ABCA12: variants seen among roughly 807,000 people sequenced by gnomAD.
ABCA12 encodes the protein glucosylceramide transporter ABCA12.
ABCA12 carries 156 observed loss-of-function variants against 293.5 expected under a neutral mutation model. The ratio of observed to expected loss-of-function variants is 0.53; its 90% CI spans 0.47 to 0.61. The LOEUF (loss-of-function observed/expected upper bound fraction) is 0.61. Among genes scored for constraint, ABCA12 ranks in the 20% least tolerant of loss-of-function variants. The pLI is 0.00. For missense variants in ABCA12, 2,797 were observed against 3,090.2 expected, an observed-to-expected ratio of 0.91 and a Z score of 2.25; for synonymous variants, 1,063 against 1,108.0, an observed-to-expected ratio of 0.96 and a Z score of 0.81.
chr2:215,002,528 A>G (rs2105990838), intron 20 of ABCA12, among the ~76,000 whole-genome samples: 1 of 152,346 alleles, frequency 6.6e-6, no homozygotes, highest in East Asian at 1.9e-4. Context: ...GGCTGCGAAT[A>G]TCATAAATCC....
chr2:215,074,407 AG>A (rs777636341), intron 2 of ABCA12, among the ~76,000 whole-genome samples: 1 of 152,198 alleles, frequency 6.6e-6, no homozygotes, highest in Non-Finnish European at 1.5e-5. Context: ...TGCCTGAAGA[AG>A]GGAGTTTCAT....
In ABCA12 at chr2:214,947,435, G is replaced by A. The variant is rs1391208528; in HGVS notation, c.7226C>T (p.Ser2409Phe). 6 of 1,613,814 alleles carry A rather than the reference G, an allele frequency of 3.7e-6. No homozygotes were observed. In the Admixed American group the frequency reaches 1.0e-4, roughly 27 times the overall value. ...TGATTCTCTTACCAGCAGTAGAATG[G>A]AAGGTTTCCCTATCAAGGCCAGTGC... ...STALALIGKPSILLLDEPSSG... is the reference protein window; with the variant it reads ...STALALIGKPFILLLDEPSSG... The change falls in exon 48 of 53, where the codon TCC becomes TTC. Residue 2409 changes from serine (S) to phenylalanine (F), a missense_variant. Around this residue, in one of 3 missense-constraint regions of ABCA12, gnomAD observed 2,130 missense variants for 2,427.0 expected, o/e 0.88. Coordinates refer to ENST00000272895, the MANE Select transcript of ABCA12 (RefSeq NM_173076.3).
chr2:214,973,504 G>A (rs1202222075), intron 36 of ABCA12, among the ~76,000 whole-genome samples: 1 of 152,130 alleles, frequency 6.6e-6, no homozygotes. Flanking sequence ...TTCAGGAAAT[G>A]ATTTTTTTCC....
At chr2:214,956,077 G>A (rs998075555) in intron 42 of ABCA12, among the ~76,000 whole-genome samples, 3 of 152,156 alleles carry the variant, frequency 2.0e-5, no homozygotes, top group African/African-American at 4.8e-5. Flanking sequence ...AATTTGGGGG[G>A]CAATTAAATA....
rs1698261602 is a variant in ABCA12 at position 214,937,598 on chromosome 2, G to A, written c.7454C>T (p.Thr2485Ile). 6.2e-7 allele frequency: 1 copy of A among 1,613,690 alleles called. No homozygotes were observed. The highest frequency in any genetic ancestry group is 1.3e-5 in the African/African-American group (1 of 75,038). ...GTTATTCTTCAAGTGAACTTTGACAGTAAATCCTCGTCCAAACCTAGAAAG... is the reference window on the plus strand; with the variant it reads ...GTTATTCTTCAAGTGAACTTTGACAATAAATCCTCGTCCAAACCTAGAAAG... ...HIKSRFGRGF[T>I]VKVHLKNNKV... The change falls in exon 51 of 53, where the codon ACT (threonine) becomes ATT (isoleucine). Residue 2485 changes from threonine (T) to isoleucine (I), a missense_variant. By Grantham distance (89) the Thr-to-Ile change is moderately conservative (BLOSUM62 -1). Transcript: ENST00000272895.
chr2:215,044,173 AC>A (rs1441244144), intron 7 of ABCA12, among the ~76,000 whole-genome samples: 1 of 152,128 alleles, frequency 6.6e-6, no homozygotes, highest in African/African-American at 2.4e-5. Context: ...TTGGATAAAT[AC>A]CCAAGAGTAG....
chr2:215,017,480 A>G (rs1700529373), intron 14 of ABCA12, among the ~76,000 whole-genome samples: 1 of 152,176 alleles, frequency 6.6e-6, no homozygotes, highest in South Asian at 2.1e-4. Flanking sequence ...TACGACTTTT[A>G]AAAAGTAAAA....
At chr2:214,944,919 A>C (rs192378275) in intron 49 of ABCA12, 82 bp downstream of exon 49, 31 of 1,021,802 alleles carry the variant, frequency 3.0e-5, no homozygotes, top group Middle Eastern at 3.0e-4. Flanking sequence ...GTATATATTT[A>C]TTTATGTTAT....
chr2:215,134,082 C>T (rs1439116072), intron 1 of ABCA12, among the ~76,000 whole-genome samples: 1 of 151,810 alleles, frequency 6.6e-6, no homozygotes, highest in Non-Finnish European at 1.5e-5. Flanking sequence ...ACATTTACTC[C>T]AAGAATAATT....
At chr2:215,064,293 AC>A in intron 2 of ABCA12, 74 bp from the exon 3 acceptor site, 1 of 1,474,812 alleles carries the variant, frequency 6.8e-7, no homozygotes, top group Non-Finnish European at 9.2e-7. Context: ...CAGTAACTCC[AC>A]TTTGTGAAGT....
intron 1 of ABCA12, among the ~76,000 whole-genome samples, chr2:215,127,101 G>A (rs780076582): frequency 2.0e-5 from 3 of 152,074 alleles, no homozygotes; most frequent in Non-Finnish European, 2.9e-5. Flanking sequence ...TTGCATGGTT[G>A]TGAAGGCTCC....
intron 9 of ABCA12, 81 bp downstream of exon 9, chr2:215,031,740 T>A: frequency 6.4e-7 from 1 of 1,558,522 alleles, no homozygotes; most frequent in Non-Finnish European, 8.8e-7. Context: ...TATACACTGA[T>A]AAGCGAATTA....
chr2:215,057,445 A>G (rs774895228), intron 3 of ABCA12, among the ~76,000 whole-genome samples: 3 of 152,000 alleles, frequency 2.0e-5, no homozygotes, highest in Non-Finnish European at 2.9e-5. Context: ...TTAGAATCCT[A>G]GAAACTTCAA....
At chr2:215,011,943 C>T in intron 16 of ABCA12, 28 bp downstream of exon 16, 2 of 1,595,706 alleles carry the variant, frequency 1.3e-6, no homozygotes, top group Non-Finnish European at 1.7e-6. Flanking sequence ...CATTTTTCAA[C>T]AAGAACATTA....
At chr2:214,953,328 A>G (rs1179092683) in intron 44 of ABCA12, among the ~76,000 whole-genome samples, 2 of 152,250 alleles carry the variant, frequency 1.3e-5, no homozygotes, top group Non-Finnish European at 2.9e-5. Context: ...AACTTTAAAC[A>G]TACATAAGTA....
Position 214,982,382 on chromosome 2 carries a change from T to G in ABCA12, c.4384A>C (p.Thr1462Pro). ...KKQLHEEVKRTLKDTGLYSHR... is the reference protein window; with the variant it reads ...KKQLHEEVKRPLKDTGLYSHR... ...CTATATAGTCCAGTATCTTTTAAAG[T>G]CCTTCAAAAATAATGTATGATGGTT... Residue 1462 changes from threonine (T) to proline (P), a missense_variant and splice_region_variant, in exon 30 of 53, where the codon ACT becomes CCT. Transcript: ENST00000272895. 1 of 1,613,096 alleles carries G rather than the reference T, an allele frequency of 6.2e-7. No homozygotes were observed. The highest frequency in any genetic ancestry group is 8.5e-7 in the Non-Finnish European group (1 of 1,179,252).
intron 48 of ABCA12, among the ~76,000 whole-genome samples, chr2:214,945,588 C>T (rs1285100581): frequency 6.6e-6 from 1 of 151,948 alleles, no homozygotes; most frequent in East Asian, 1.9e-4. Context: ...TCTAACACTC[C>T]TTGGGAAATA....
rs940279 is a variant in ABCA12 at position 215,007,610 on chromosome 2, G to A, written c.2592+117C>T. 1,161,037 of 1,330,966 alleles carry A rather than the reference G, an allele frequency of 0.87. 517,302 individuals carry two copies. Among genetic ancestry groups the A allele is most frequent in the East Asian group, 0.95 (39,883 of 42,182 alleles). The allele number at this position is 1,330,966 out of a possible 1,614,324, so 82.4% of individuals were successfully genotyped here. A position where few individuals can be genotyped will look rare whatever the true frequency, so the allele number is the denominator to read the frequency against. On this transcript the variant is annotated intron_variant, in intron 19 of 52. Coordinates refer to ENST00000272895, the MANE Select transcript of ABCA12 (RefSeq NM_173076.3). ...TCTCAGACCTTCTCTCTGGAAGAGA[G>A]GCAATTTAATCTGTTGAATACGGAA...
chr2:215,003,658 T>A (rs758819477), intron 20 of ABCA12, among the ~76,000 whole-genome samples: 2 of 124,378 alleles, frequency 1.6e-5, no homozygotes, highest in African/African-American at 3.1e-5. Context: ...ATTACATTAT[T>A]ATAATAATAA....
Sources: allele counts gnomAD v4.1 joint callset (sites outside exome capture counted in the v4.1 genomes callset), GRCh38; gene constraint gnomAD v4.1.1; regional missense constraint gnomAD v4.1.1; transcripts MANE v1.5; gene names NCBI Gene and HGNC (gene_info 2026-07-23, HGNC 2026-07-21).